The following TRPM5 variants were observed in gnomAD, a reference collection of about 807,000 sequenced individuals.
The protein encoded by TRPM5 is MLSN1 and TRP-related.
In TRPM5, 121 loss-of-function variants were observed where a neutral mutation model predicts 124.9. The observed-to-expected ratio is 0.97, with a 90% CI of 0.84 to 1.13. TRPM5 has a LOEUF of 1.13. Ranked by LOEUF, TRPM5 falls within the 50% of genes most tolerant of loss-of-function variation. The pLI, the probability that TRPM5 is intolerant of heterozygous loss-of-function variation, is 0.00. For synonymous variants in TRPM5, 781 were observed against 700.5 expected, an observed-to-expected ratio of 1.11 and a Z score of -1.81; for missense variants, 1,643 against 1,589.1, an observed-to-expected ratio of 1.03 and a Z score of -0.58.
chr11:2,417,685 C>T (rs759869365), intron 7 of TRPM5, 42 bp downstream of exon 12: 3 of 1,496,646 alleles, frequency 2.0e-6, no homozygotes, highest in Admixed American at 1.9e-5. Context: ...GAGCATGAAG[C>T]CCCCCAATGG....
At chr11:2,404,696 G>A (rs1051489366) in exon 24 of TRPM5, 7 of 527,064 alleles carry the variant, frequency 1.3e-5, no homozygotes, top group Admixed American at 7.0e-5. Context: ...TTTTCTGCCC[G>A]GGGAGTTGTG....
At chr11:2,412,379 T>G (rs2133512769) in intron 15 of TRPM5, 126 bp from the exon 21 acceptor site, 130 of 759,280 alleles carry the variant, frequency 1.7e-4, no homozygotes, top group Non-Finnish European at 2.5e-4. Flanking sequence ...AGGCTACCAG[T>G]GGGACTAGGG....
chr11:2,415,390 C>A, exon 9 of TRPM5: 2 of 1,591,338 alleles, frequency 1.3e-6, no homozygotes, highest in Non-Finnish European at 1.7e-6. Context: ...GCCACGTCTG[C>A]GCCGTTGTCC....
chr11:2,416,307 G>A, intron 7 of TRPM5, among the ~76,000 whole-genome samples: 1 of 152,192 alleles, frequency 6.6e-6, no homozygotes, highest in East Asian at 1.9e-4. Flanking sequence ...GCTAACACCT[G>A]GGCCTCGAGG....
intron 8 of TRPM5, 116 bp from the exon 14 acceptor site, chr11:2,415,587 T>C: frequency 1.4e-6 from 1 of 740,514 alleles, no homozygotes; most frequent in African/African-American, 1.8e-5. Context: ...CAGGGCCAGG[T>C]CACGCAGACC....
chr11:2,407,583 G>A (rs911186695), intron 19 of TRPM5, among the ~76,000 whole-genome samples, 176 bp downstream of exon 24: 1 of 152,208 alleles, frequency 6.6e-6, no homozygotes, highest in African/African-American at 2.4e-5. Flanking sequence ...CAGAGTTCCC[G>A]GTCTTGGGCA....
chr11:2,406,792 C>T (rs200237450), exon 21 of TRPM5: 5 of 1,610,102 alleles, frequency 3.1e-6, no homozygotes, highest in Admixed American at 3.4e-5. Flanking sequence ...GCAGGTCTCT[C>T]TCTGGGAAAG....
the TRPM5 span, among the ~76,000 whole-genome samples, chr11:2,442,147 A>G: frequency 1.3e-5 from 2 of 152,202 alleles, no homozygotes; most frequent in East Asian, 1.9e-4. The surrounding 1 kb of genome is among the most constrained non-coding windows in gnomAD (Gnocchi z 5.9). Context: ...GTTTTCATCC[A>G]TGACTCTTTC....
At chr11:2,416,153 G>GC (rs1845671455) in intron 7 of TRPM5, 129 bp from the exon 13 acceptor site, 1 of 627,826 alleles carries the variant, frequency 1.6e-6, no homozygotes, top group African/African-American at 1.8e-5. Context: ...ACTTGAGGGG[G>GC]CACATGCGCC....
chr11:2,411,490 C>A lies in TRPM5; in HGVS notation c.2644G>T (p.Val882Leu). ...GTGACACCGTAGGCCACGAGCCACA[C>A]GCTCAGAAAGAAGAGGAAGAAGAAG... The change falls in exon 18 of 24, where the codon GTG (valine) becomes TTG (leucine). Residue 882 changes from valine to leucine, a missense_variant. Physicochemically the swap from Val to Leu is conservative, Grantham distance 32 (BLOSUM62 1). Transcript: ENST00000155858. 3 of 1,610,662 alleles carry A rather than the reference C, an allele frequency of 1.9e-6. No homozygotes were observed. Among genetic ancestry groups the A allele is most frequent in the Non-Finnish European group, 2.5e-6 (3 of 1,178,618 alleles).
chr11:2,420,119 C>A lies in TRPM5; in HGVS notation c.649+103G>T, dbSNP rs1284196305. ...TGCGGGGTGCGTTCTGCCTGGGAAG[C>A]CCTCCCCCTTCTCCCTGGCGGTCAC... On this transcript the variant is annotated intron_variant, in intron 4 of 23. Coordinates refer to ENST00000155858, the Ensembl canonical transcript of TRPM5. 9 of 1,365,656 alleles carry A rather than the reference C, an allele frequency of 6.6e-6. No homozygotes were observed. In the East Asian group the frequency reaches 2.1e-4, roughly 32 times the overall value. The allele number at this position is 1,365,656 out of a possible 1,614,324, so 84.6% of individuals were successfully genotyped here.
intron 21 of TRPM5, among the ~76,000 whole-genome samples, chr11:2,406,392 A>T (rs567001307): frequency 6.6e-6 from 1 of 151,736 alleles, no homozygotes; most frequent in African/African-American, 2.4e-5. Flanking sequence ...GGCTGGAGGG[A>T]AGCCAGGGGT....
At chr11:2,412,060 C>A in intron 16 of TRPM5, 75 bp downstream of exon 21, 1 of 1,323,264 alleles carries the variant, frequency 7.6e-7, no homozygotes. Context: ...ACCGCCACAC[C>A]CAACCTGAGT....
At chr11:2,417,979 C>G in intron 6 of TRPM5, 150 bp from the exon 12 acceptor site, 3 of 996,798 alleles carry the variant, frequency 3.0e-6, no homozygotes, top group Non-Finnish European at 4.4e-6. Context: ...CGGCCTGGGA[C>G]CACCCGCAGA....
chr11:2,416,574 G>A lies in TRPM5; in HGVS notation c.1010-550C>T, dbSNP rs138527408. ...CGTAAGACTACGGTGCCTCTCTCAGGCCACTGGGACCAAACTGAGACTGGT... is the reference window on the plus strand; with the variant it reads ...CGTAAGACTACGGTGCCTCTCTCAGACCACTGGGACCAAACTGAGACTGGT... On this transcript the variant is annotated intron_variant, in intron 7 of 23. Coordinates refer to ENST00000155858, the Ensembl canonical transcript of TRPM5. Among the ~76,000 whole-genome samples, 384 of 152,286 alleles carry A rather than the reference G, an allele frequency of 2.5e-3. 3 individuals carry two copies. Among genetic ancestry groups the A allele is most frequent in the Middle Eastern group, 0.01 (3 of 294 alleles).
At chr11:2,420,732 C>CA (rs1487524742) in intron 3 of TRPM5, among the ~76,000 whole-genome samples, 1 of 152,236 alleles carries the variant, frequency 6.6e-6, no homozygotes, top group East Asian at 1.9e-4. Context: ...CCCGGGCCTC[C>CA]CTCGGTAGTG....
exon 10 of TRPM5, chr11:2,414,923 G>C (rs1378025171): frequency 1.9e-6 from 3 of 1,607,154 alleles, no homozygotes; most frequent in South Asian, 2.2e-5. Context: ...CCAGAAGTAG[G>C]TGGCCATCTC....
intron 18 of TRPM5, 27 bp from the exon 24 acceptor site, chr11:2,407,939 C>G: frequency 6.2e-7 from 1 of 1,609,206 alleles, no homozygotes; most frequent in Non-Finnish European, 8.5e-7. Flanking sequence ...CTGTGGGGAC[C>G]AGACCGGGGG....
rs1039026110 is a variant in TRPM5, at chr11:2,423,027, C to T, written c.10G>A (p.Val4Ile). 6.2e-7 allele frequency: 1 copy of T among 1,611,504 alleles called. No individual in the cohort carries two copies. The highest frequency in any genetic ancestry group is 8.5e-7 in the Non-Finnish European group (1 of 1,179,646). The stretch of plus-strand genomic sequence containing the variant: ...GGGCTTCCGGGACGGGGGCCTTGGA[C>T]ATCCTGCATGGTGGCCTCTAGAGCT... The change falls in exon 1 of 24, where the codon GTC (valine) becomes ATC (isoleucine). Residue 4 changes from valine to isoleucine, a missense_variant. Physicochemically the swap from Val to Ile is conservative, Grantham distance 29 (BLOSUM62 3). Coordinates refer to ENST00000155858, the Ensembl canonical transcript of TRPM5.
Sources: gnomAD v4.1 joint callset for allele counts (sites outside exome capture counted in the v4.1 genomes callset) on GRCh38, gnomAD v4.1.1 for gene constraint, Gnocchi (gnomAD v3.1) non-coding constraint, MANE v1.5 for transcripts, NCBI Gene and HGNC (gene_info 2026-07-23, HGNC 2026-07-21) for gene names.